The following AGBL4 variants were observed in gnomAD, a reference collection of about 807,000 sequenced individuals.
AGBL4 encodes the protein AGBL carboxypeptidase 4.
Under a neutral mutation model 66.4 loss-of-function variants are expected in AGBL4, and 58 were observed. That is an observed-to-expected ratio of 0.87 (90% confidence interval 0.71 to 1.09). The LOEUF (loss-of-function observed/expected upper bound fraction) is 1.09. AGBL4 is among the 50% of genes least tolerant of loss of function. AGBL4 has a pLI of 0.00. For synonymous variants in AGBL4, 234 were observed against 222.9 expected (o/e 1.05, Z -0.44); for missense variants, 579 against 631.0 (o/e 0.92, Z 0.88).
chr1:49,265,313 T>C (rs1450549985), intron 3 of AGBL4, among the ~76,000 whole-genome samples: 1 of 152,180 alleles, frequency 6.6e-6, no homozygotes, highest in Non-Finnish European at 1.5e-5. Context: ...GTTCTAATCA[T>C]ATTGCACCAT....
At chr1:49,503,490 C>T (rs1157964941) in intron 3 of AGBL4, among the ~76,000 whole-genome samples, 1 of 152,110 alleles carries the variant, frequency 6.6e-6, no homozygotes, top group Non-Finnish European at 1.5e-5. Context: ...ATGGTAGATC[C>T]ATTGACAGCT....
chr1:49,114,711 A>G (rs1014978194), intron 4 of AGBL4, among the ~76,000 whole-genome samples: 3 of 152,002 alleles, frequency 2.0e-5, no homozygotes, highest in Non-Finnish European at 4.4e-5. Flanking sequence ...AGGGTTATTA[A>G]TTGGCCTAAT....
intron 4 of AGBL4, among the ~76,000 whole-genome samples, chr1:49,142,339 CA>C (rs924114088): frequency 2.0e-5 from 3 of 150,902 alleles, no homozygotes; most frequent in Non-Finnish European, 3.0e-5. Flanking sequence ...TCCTCCTTCT[CA>C]AAAAAAAACT....
In AGBL4 at chr1:48,693,744, C is replaced by T. The variant is rs1169336278; in HGVS notation, c.635-30503G>A. ...CACTTCACAGAACAGCCGTGGACCC[C>T]AAAACATAAAACCCCTTTCTAAGTC... is the stretch of plus-strand genomic sequence containing the variant. On this transcript the variant is annotated intron_variant, in intron 6 of 13. Transcript: ENST00000371839. Among the ~76,000 whole-genome samples, 3 of 152,156 alleles carry T rather than the reference C, an allele frequency of 2.0e-5. No individual in the cohort carries two copies. The East Asian group carries it at 5.8e-4, about 29-fold the overall frequency.
intron 3 of AGBL4, among the ~76,000 whole-genome samples, chr1:49,268,643 C>T (rs1382477656): frequency 6.6e-6 from 1 of 152,094 alleles, no homozygotes; most frequent in Non-Finnish European, 1.5e-5. Context: ...GGCCTTTCTA[C>T]CTGCTGCATG....
intron 3 of AGBL4, among the ~76,000 whole-genome samples, chr1:49,632,854 T>C (rs1645597406): frequency 6.6e-6 from 1 of 151,938 alleles, no homozygotes; most frequent in African/African-American, 2.4e-5. Flanking sequence ...GGCGGGCTGA[T>C]CACGAGATCA....
At chr1:49,289,899 C>G (rs1448175530) in intron 3 of AGBL4, among the ~76,000 whole-genome samples, 2 of 151,920 alleles carry the variant, frequency 1.3e-5, no homozygotes. Context: ...AAAAACTCAA[C>G]AATACCAAAA....
chr1:49,768,321 T>C (rs538193760), intron 2 of AGBL4, among the ~76,000 whole-genome samples: 2 of 152,316 alleles, frequency 1.3e-5, no homozygotes, highest in South Asian at 4.1e-4. Flanking sequence ...AAAATGTTAA[T>C]TGACCATGTT....
intron 5 of AGBL4, among the ~76,000 whole-genome samples, chr1:49,033,839 C>G (rs893027620): frequency 7.3e-6 from 1 of 137,056 alleles, no homozygotes; most frequent in Non-Finnish European, 1.6e-5. Context: ...TTTTTTTTTA[C>G]TTCTCAGATT....
At chr1:48,656,347 G>A (rs1646020315) in intron 7 of AGBL4, among the ~76,000 whole-genome samples, 2 of 152,204 alleles carry the variant, frequency 1.3e-5, no homozygotes, top group African/African-American at 2.4e-5. Context: ...TTGATGGATT[G>A]CTCCAGGAAT....
chr1:49,056,862 A>G (rs1644317827), intron 4 of AGBL4, among the ~76,000 whole-genome samples: 2 of 152,330 alleles, frequency 1.3e-5, no homozygotes, highest in South Asian at 4.1e-4. Flanking sequence ...AAGTAAGAGC[A>G]AAGTCAAAAA....
chr1:48,902,924 C>A (rs1254012735), intron 5 of AGBL4, among the ~76,000 whole-genome samples: 2 of 152,100 alleles, frequency 1.3e-5, no homozygotes, highest in Admixed American at 1.3e-4. Context: ...AAGACTTGGC[C>A]CCTCTCATCT....
chr1:48,721,457 C>T (rs1427161846), intron 6 of AGBL4, among the ~76,000 whole-genome samples: 3 of 152,208 alleles, frequency 2.0e-5, no homozygotes, highest in Non-Finnish European at 2.9e-5. Flanking sequence ...TGTGGCTTCT[C>T]TGATGGCTGC....
At chr1:48,816,075 GTGTGTGTGTGTGTGTGT>G (rs1646168110) in intron 6 of AGBL4, among the ~76,000 whole-genome samples, 1 of 150,490 alleles carries the variant, frequency 6.6e-6, no homozygotes, top group African/African-American at 2.5e-5. Flanking sequence ...GTGTGTGTGT[GTGTGTGTGTGTGTGTGT>G]AGAGAGAAAG....
At chr1:48,952,053 T>G (rs1194205367) in intron 5 of AGBL4, among the ~76,000 whole-genome samples, 1 of 152,228 alleles carries the variant, frequency 6.6e-6, no homozygotes, top group Non-Finnish European at 1.5e-5. Context: ...GTTCTTTTTG[T>G]TTTGTAGCTT....
chr1:49,661,734 G>C (rs1204870321), intron 3 of AGBL4, among the ~76,000 whole-genome samples: 1 of 152,206 alleles, frequency 6.6e-6, no homozygotes, highest in East Asian at 1.9e-4. Flanking sequence ...CTGTTGGTGG[G>C]AATGTAAAAT....
At position 49,398,990 on chromosome 1, in the gene AGBL4, C is replaced by G. The variant is rs540156487; in HGVS notation, c.283-153126G>C. On this transcript the variant is annotated intron_variant, in intron 3 of 13. Transcript: ENST00000371839. ...TTAACAATCCCCATTTCCCTGCCACCACCCTACTACCCTTCTGAGCCTCTG... is the reference window on the plus strand; with the variant it reads ...TTAACAATCCCCATTTCCCTGCCACGACCCTACTACCCTTCTGAGCCTCTG... Among the ~76,000 whole-genome samples, 65 of 152,120 alleles carry G rather than the reference C, an allele frequency of 4.3e-4. 1 individual carries two copies. Among genetic ancestry groups the G allele is most frequent in the African/African-American group, 1.4e-3 (58 of 41,508 alleles).
intron 3 of AGBL4, among the ~76,000 whole-genome samples, chr1:49,348,246 G>A (rs565691445): frequency 1.3e-5 from 2 of 151,994 alleles, no homozygotes; most frequent in African/African-American, 4.8e-5. Context: ...GTGAACCCCT[G>A]TCTCTACTAA....
chr1:49,295,899 C>T, intron 3 of AGBL4, among the ~76,000 whole-genome samples: 1 of 152,152 alleles, frequency 6.6e-6, no homozygotes, highest in African/African-American at 2.4e-5. Flanking sequence ...GCCTCCATAG[C>T]AACTTGGAGT....
Sources: gnomAD v4.1 joint callset for allele counts (sites outside exome capture counted in the v4.1 genomes callset) on GRCh38, gnomAD v4.1.1 for gene constraint, MANE v1.5 for transcripts, NCBI Gene and HGNC (gene_info 2026-07-23, HGNC 2026-07-21) for gene names.